RUFY1: variants seen among roughly 807,000 people sequenced by gnomAD.
The protein encoded by RUFY1 is RUN and FYVE domain-containing protein 1.
In RUFY1, 54 loss-of-function variants were observed where a neutral mutation model predicts 94.6. The ratio of observed to expected loss-of-function variants is 0.57; its 90% CI spans 0.46 to 0.72. The LOEUF is 0.72. Among genes scored for constraint, RUFY1 ranks in the 30% least tolerant of loss-of-function variants. RUFY1 has a pLI of 0.00. For synonymous variants in RUFY1, 396 were observed against 347.3 expected (o/e 1.14, Z -1.56); for missense variants, 883 against 883.9 (o/e 1.00, Z 0.01).
chr5:179,572,661 T>G, intron 5 of RUFY1: 1 of 177,010 alleles, frequency 5.6e-6, no homozygotes, highest in South Asian at 1.3e-4. Flanking sequence ...CACGGGAAAG[T>G]TTGTCCCACT....
chr5:179,573,987 T>G (rs1477683428), intron 5 of RUFY1, among the ~76,000 whole-genome samples: 2 of 152,198 alleles, frequency 1.3e-5, no homozygotes, highest in African/African-American at 4.8e-5. Flanking sequence ...ACCTGATCAT[T>G]GTAAACCCTG....
chr5:179,569,501 T>G (rs1763065346), intron 5 of RUFY1, 76 bp downstream of exon 5: 1 of 1,488,464 alleles, frequency 6.7e-7, no homozygotes, highest in Admixed American at 1.7e-5. Context: ...AAACAGGTAC[T>G]GAACCCAAAG....
chr5:179,608,730 A>T, intron 17 of RUFY1: 1 of 627,348 alleles, frequency 1.6e-6, no homozygotes, highest in Non-Finnish European at 2.0e-6. Context: ...GTTCAAGACC[A>T]GTCTGGCCAA....
At chr5:179,561,954 G>T (rs1242616771) in intron 2 of RUFY1, among the ~76,000 whole-genome samples, 1 of 150,830 alleles carries the variant, frequency 6.6e-6, no homozygotes, top group Non-Finnish European at 1.5e-5. Context: ...AAAGTGCTGG[G>T]ATTACAGGTG....
intron 17 of RUFY1, chr5:179,608,154 A>G: frequency 3.4e-6 from 1 of 295,174 alleles, no homozygotes; most frequent in Non-Finnish European, 5.1e-6. Context: ...ACTGGGCCTT[A>G]TTAACAGTCT....
chr5:179,563,297 A>C (rs1480011445), intron 3 of RUFY1, among the ~76,000 whole-genome samples: 1 of 152,130 alleles, frequency 6.6e-6, no homozygotes, highest in Non-Finnish European at 1.5e-5. Context: ...TAATAATAAT[A>C]ATAGCCACTG....
At chr5:179,552,182 A>AAAAAAAAAC (rs1278491799) in intron 1 of RUFY1, among the ~76,000 whole-genome samples, 20 of 149,956 alleles carry the variant, frequency 1.3e-4, no homozygotes, top group African/African-American at 5.0e-4. Flanking sequence ...AAAAAAAAAA[A>AAAAAAAAAC]AAAAACTTGT....
intron 14 of RUFY1, among the ~76,000 whole-genome samples, chr5:179,600,624 A>G (rs1581554571): frequency 6.7e-6 from 1 of 150,358 alleles, no homozygotes; most frequent in Non-Finnish European, 1.5e-5. Context: ...GTTTTGTAAA[A>G]TGTTTATCTT....
At chr5:179,596,755 T>C (rs886537817) in intron 13 of RUFY1, 74 bp downstream of exon 13, 1 of 806,858 alleles carries the variant, frequency 1.2e-6, no homozygotes, top group East Asian at 8.5e-5. Context: ...ACAGGTGGTA[T>C]CCTGCTTCAG....
At chr5:179,603,918 A>G (rs1766731522) in intron 15 of RUFY1, among the ~76,000 whole-genome samples, 2 of 152,112 alleles carry the variant, frequency 1.3e-5, no homozygotes, top group South Asian at 2.1e-4. Flanking sequence ...TTAGCCGGGC[A>G]TGGTGGAGCG....
At chr5:179,556,472 T>C (rs1191603825) in intron 1 of RUFY1, among the ~76,000 whole-genome samples, 2 of 152,034 alleles carry the variant, frequency 1.3e-5, no homozygotes, top group Non-Finnish European at 2.9e-5. Context: ...ATATAATTTT[T>C]ATAAAGAATT....
chr5:179,595,553 G>GTT (rs60336370), intron 12 of RUFY1, among the ~76,000 whole-genome samples: 10 of 139,852 alleles, frequency 7.2e-5, no homozygotes, highest in Non-Finnish European at 7.8e-5. Context: ...GTTTGTTCTT[G>GTT]TTTTTTTTTT....
At chr5:179,589,445 G>C (rs1764859555) in intron 8 of RUFY1, 101 bp from the exon 9 acceptor site, 1 of 743,760 alleles carries the variant, frequency 1.3e-6, no homozygotes, top group Admixed American at 2.3e-5. Context: ...TCAAACCTGT[G>C]AACATACATT....
intron 7 of RUFY1, 40 bp downstream of exon 7, chr5:179,581,052 C>G (rs200085196): frequency 8.0e-7 from 1 of 1,246,206 alleles, no homozygotes; most frequent in African/African-American, 1.5e-5. Context: ...GTTACATACT[C>G]GGTATCCTGT....
chr5:179,588,990 C>A (rs975785698), intron 8 of RUFY1, among the ~76,000 whole-genome samples: 2 of 152,162 alleles, frequency 1.3e-5, no homozygotes, highest in Non-Finnish European at 2.9e-5. Context: ...CTCAGCCTCC[C>A]AAAGTGCTGG....
At chr5:179,554,840 C>T (rs12658811) in intron 1 of RUFY1, among the ~76,000 whole-genome samples, 51,417 of 151,318 alleles carry the variant, frequency 0.34, 9,133 homozygotes, top group East Asian at 0.63. Flanking sequence ...TGGTGGCGCA[C>T]GCCTGTAATC....
chr5:179,583,640 TCTC>T (rs1252762511), intron 7 of RUFY1, among the ~76,000 whole-genome samples: 5 of 151,082 alleles, frequency 3.3e-5, no homozygotes, highest in Non-Finnish European at 5.9e-5. Context: ...ATGGTCTCGA[TCTC>T]CTGACCACGT....
intron 13 of RUFY1, 139 bp from the exon 14 acceptor site, chr5:179,598,553 G>C: frequency 4.3e-6 from 4 of 929,844 alleles, no homozygotes; most frequent in Non-Finnish European, 6.7e-6. Context: ...CCCTGGAGGA[G>C]AGGGAAGCGT....
chr5:179,551,050 A>AGCCGAGACCGCCCCCCGCAGCCCC (rs1761814713), intron 1 of RUFY1, among the ~76,000 whole-genome samples, 171 bp downstream of exon 1: 1 of 151,682 alleles, frequency 6.6e-6, no homozygotes, highest in South Asian at 2.1e-4. Flanking sequence ...CCGGCGGCCC[A>AGCCGAGACCGCCCCCCGCAGCCCC]GCCGAGACCG....
Sources: gnomAD v4.1 joint callset for allele counts (sites outside exome capture counted in the v4.1 genomes callset) on GRCh38, gnomAD v4.1.1 for gene constraint, MANE v1.5 for transcripts, NCBI Gene and HGNC (gene_info 2026-07-23, HGNC 2026-07-21) for gene names.